QKI: variants seen among roughly 807,000 people sequenced by gnomAD.
QKI encodes the protein QKI, KH domain containing RNA binding.
In QKI, 10 loss-of-function variants were observed where a neutral mutation model predicts 39.0. The observed-to-expected ratio is 0.26, with a 90% CI of 0.16 to 0.43. The LOEUF (loss-of-function observed/expected upper bound fraction) is 0.43. Among genes scored for constraint, QKI ranks in the 20% least tolerant of loss-of-function variants. QKI has a pLI of 1.00. For missense variants in QKI, 218 were observed against 428.0 expected, an observed-to-expected ratio of 0.51 and a Z score of 4.33; for synonymous variants, 204 against 155.4, an observed-to-expected ratio of 1.31 and a Z score of -2.33.
intron 6 of QKI, 158 bp from the exon 7 acceptor site, chr6:163,566,561 CAT>C: frequency 1.3e-6 from 2 of 1,496,096 alleles, no homozygotes; most frequent in Non-Finnish European, 1.8e-6. Flanking sequence ...ATATACATGA[CAT>C]ATTGTGGTTA....
chr6:163,535,196 A>G, intron 4 of QKI, 71 bp downstream of exon 4: 2 of 1,438,936 alleles, frequency 1.4e-6, no homozygotes, highest in Non-Finnish European at 1.9e-6. Context: ...AATTATCGTA[A>G]TGTTTATAAG....
chr6:163,455,483 T>C (rs1790849285), intron 2 of QKI, 62 bp downstream of exon 2: 2 of 1,448,422 alleles, frequency 1.4e-6, no homozygotes, highest in Non-Finnish European at 1.9e-6. Context: ...GGAAGAGATA[T>C]ATTTGGTGGT....
rs138333338 is a variant in QKI at position 163,561,008 on chromosome 6, G to C, written c.547-974G>C. 5.8e-4 allele frequency among the ~76,000 whole-genome samples: 88 copies of C among 152,266 alleles called. 1 individual carries two copies. The highest frequency in any genetic ancestry group is 1.1e-3 in the Non-Finnish European group (73 of 68,002). On this transcript the variant is annotated intron_variant, in intron 4 of 7. Transcript: ENST00000361752. ...TTAGTGCCCATTTTTGCTTTTAAAAGTTTTCTGCTTTGGACAATAAATCAT... is the reference window on the plus strand; with the variant it reads ...TTAGTGCCCATTTTTGCTTTTAAAACTTTTCTGCTTTGGACAATAAATCAT...
At chr6:163,469,761 A>G (rs1359078749) in intron 2 of QKI, among the ~76,000 whole-genome samples, 2 of 152,150 alleles carry the variant, frequency 1.3e-5, no homozygotes, top group Admixed American at 6.6e-5. Flanking sequence ...ACTTACATAA[A>G]CTGGTTAAGT....
intron 2 of QKI, among the ~76,000 whole-genome samples, chr6:163,461,364 G>A (rs530456241): frequency 1.7e-4 from 26 of 152,196 alleles, no homozygotes; most frequent in Admixed American, 6.5e-4. Flanking sequence ...AAATAATAAG[G>A]CCTCTCTGAG....
At chr6:163,441,627 G>A (rs1265493529) in intron 1 of QKI, among the ~76,000 whole-genome samples, 1 of 152,188 alleles carries the variant, frequency 6.6e-6, no homozygotes, top group Non-Finnish European at 1.5e-5. Flanking sequence ...GGGATCTGGA[G>A]TGTTCCTATG....
rs983691720 is a variant in QKI at position 163,572,996 on chromosome 6, T to C, written c.*2286T>C. 1 of 152,202 alleles carries C rather than the reference T, an allele frequency of 6.6e-6. No individual in the cohort carries two copies. The highest frequency in any genetic ancestry group is 2.4e-5 in the African/African-American group (1 of 41,442). The allele number at this position is 152,202 out of a possible 1,614,324, so 9.4% of individuals were successfully genotyped here. Reference sequence around the variant, plus strand: ...TGCGACACTCAAACACTTGAGGTGATAGTTGTTAAAAACAATACCAGTATT... The same window carrying C: ...TGCGACACTCAAACACTTGAGGTGACAGTTGTTAAAAACAATACCAGTATT... On this transcript the variant is annotated 3_prime_UTR_variant, in exon 8 of 8. Transcript: ENST00000361752.
At chr6:163,448,195 T>C (rs1790290465) in intron 1 of QKI, among the ~76,000 whole-genome samples, 1 of 152,180 alleles carries the variant, frequency 6.6e-6, no homozygotes, top group African/African-American at 2.4e-5. Flanking sequence ...TTGTGGACAA[T>C]TGTTAGTTTT....
intron 1 of QKI, among the ~76,000 whole-genome samples, chr6:163,441,549 TAATC>T (rs1789763095): frequency 6.6e-6 from 1 of 152,146 alleles, no homozygotes; most frequent in African/African-American, 2.4e-5. Flanking sequence ...CAACAGGCAA[TAATC>T]AATAAACAAG....
chr6:163,457,439 T>C (rs1791002085), intron 2 of QKI: 1 of 455,860 alleles, frequency 2.2e-6, no homozygotes. Flanking sequence ...AGCATGGCAT[T>C]TGTCTTGATC....
chr6:163,570,668 G>GTTTT, intron 7 of QKI, 26 bp from the exon 8 acceptor site: 1 of 1,576,070 alleles, frequency 6.3e-7, no homozygotes, highest in Non-Finnish European at 8.6e-7. Context: ...TTTTTGTTTT[G>GTTTT]TTTTTTTTTG....
chr6:163,442,106 A>G (rs1352313750), intron 1 of QKI, among the ~76,000 whole-genome samples: 1 of 152,194 alleles, frequency 6.6e-6, no homozygotes, highest in African/African-American at 2.4e-5. Context: ...GCTGCGTGCT[A>G]TGTGATATTG....
chr6:163,531,047 T>A (rs1780819110), intron 3 of QKI, among the ~76,000 whole-genome samples: 1 of 152,196 alleles, frequency 6.6e-6, no homozygotes, highest in South Asian at 2.1e-4. Context: ...TGTCTTTTGC[T>A]ACTTGGAGAG....
At chr6:163,463,186 C>CA (rs879422182) in intron 2 of QKI, among the ~76,000 whole-genome samples, 1 of 152,030 alleles carries the variant, frequency 6.6e-6, no homozygotes, top group Non-Finnish European at 1.5e-5. Context: ...GAAAACTAAC[C>CA]ATGAATTTTT....
At chr6:163,562,671 T>G (rs1359631125) in intron 5 of QKI, among the ~76,000 whole-genome samples, 1 of 152,226 alleles carries the variant, frequency 6.6e-6, no homozygotes, top group Non-Finnish European at 1.5e-5. Context: ...AATGTGAAAT[T>G]TATATTTTGA....
chr6:163,563,631 T>C lies in QKI; in HGVS notation c.846T>C (p.Gly282=). Residue 282 remains glycine, a synonymous_variant, in exon 6 of 8, where the codon GGT becomes GGC. Coordinates refer to ENST00000361752, the MANE Select transcript of QKI (RefSeq NM_006775.3). ...TAGTTCCTCCAGGGCCCGAAGCTGGTTTAATCTATACACCCTATGAGTACC... is the reference window on the plus strand; with the variant it reads ...TAGTTCCTCCAGGGCCCGAAGCTGGCTTAATCTATACACCCTATGAGTACC... ...AAIVPPGPEA[G]LIYTPYEYPY... 1 of 1,614,156 alleles carries C rather than the reference T, an allele frequency of 6.2e-7. No homozygotes were observed. The highest frequency in any genetic ancestry group is 8.5e-7 in the Non-Finnish European group (1 of 1,180,032).
At chr6:163,499,782 C>T (rs1778633364) in intron 3 of QKI, among the ~76,000 whole-genome samples, 2 of 151,284 alleles carry the variant, frequency 1.3e-5, no homozygotes, top group African/African-American at 2.4e-5. Flanking sequence ...TTTTTTATTT[C>T]CTACTCTGGA....
chr6:163,558,215 G>A (rs1782759053), intron 4 of QKI, among the ~76,000 whole-genome samples: 1 of 152,102 alleles, frequency 6.6e-6, no homozygotes, highest in African/African-American at 2.4e-5. Flanking sequence ...CTAGACTGTA[G>A]AAGAAACTTA....
In QKI at chr6:163,564,753, G is replaced by A. The variant is rs761601432; in HGVS notation, c.934+1034G>A. ...TAGAATACAGCAGCTGTTATAACACGACCAGTCAATGTGGAACAAACTGTT... is the reference window on the plus strand; with the variant it reads ...TAGAATACAGCAGCTGTTATAACACAACCAGTCAATGTGGAACAAACTGTT... On this transcript the variant is annotated intron_variant, in intron 6 of 7. Transcript: ENST00000361752. 3.1e-6 allele frequency: 5 copies of A among 1,613,618 alleles called. No homozygotes were observed. The South Asian group carries it at 3.3e-5, about 11-fold the overall frequency.
Sources: gnomAD v4.1 joint callset for allele counts (sites outside exome capture counted in the v4.1 genomes callset) on GRCh38, gnomAD v4.1.1 for gene constraint, MANE v1.5 for transcripts, NCBI Gene and HGNC (gene_info 2026-07-23, HGNC 2026-07-21) for gene names.